The following ZDHHC20 variants were observed in gnomAD, a reference collection of about 807,000 sequenced individuals.
The protein encoded by ZDHHC20 is palmitoyltransferase ZDHHC20.
ZDHHC20 carries 43 observed loss-of-function variants against 57.8 expected under a neutral mutation model. The observed-to-expected ratio is 0.74, with a 90% CI of 0.58 to 0.96. ZDHHC20 has a LOEUF of 0.96. Ranked by LOEUF, ZDHHC20 falls within the 40% of genes least tolerant of loss-of-function variation. The pLI is 0.00. For missense variants in ZDHHC20, 391 were observed against 441.1 expected, an observed-to-expected ratio of 0.89 and a Z score of 1.02; for synonymous variants, 157 against 153.0, an observed-to-expected ratio of 1.03 and a Z score of -0.19.
intron 11 of ZDHHC20, among the ~76,000 whole-genome samples, chr13:21,379,396 C>T (rs568965992): frequency 2.0e-5 from 3 of 152,186 alleles, no homozygotes; most frequent in Non-Finnish European, 2.9e-5. Flanking sequence ...ATCCTCTCAC[C>T]TCAGCCTCCT....
chr13:21,374,825 C>A lies in ZDHHC20; in HGVS notation c.*1871G>T, dbSNP rs1484490619. 1.4e-5 allele frequency: 4 copies of A among 295,202 alleles called. No individual in the cohort carries two copies. Among genetic ancestry groups the A allele is most frequent in the South Asian group, 3.1e-5 (1 of 32,420 alleles). 18.3% of individuals were successfully genotyped at this position (295,202 alleles called of 1,614,324 possible). A position where few individuals can be genotyped will look rare whatever the true frequency, so the allele number is the denominator to read the frequency against. Reference sequence around the variant, plus strand: ...TATTCCTAGTTTATTATTTAGCATACAGAAGGTACTCCAAAAAATTTACCG... The same window carrying A: ...TATTCCTAGTTTATTATTTAGCATAAAGAAGGTACTCCAAAAAATTTACCG... On this transcript the variant is annotated 3_prime_UTR_variant, in exon 13 of 13. Coordinates refer to ENST00000400590, the MANE Select transcript of ZDHHC20 (RefSeq NM_001330059.2).
rs778885770 is a variant in ZDHHC20, at chr13:21,391,725, T to C, written c.724A>G (p.Ile242Val). The change falls in exon 8 of 13, where the codon ATA (isoleucine) becomes GTA (valine). Residue 242 changes from isoleucine to valine, a missense_variant. By Grantham distance (29) the Ile-to-Val change is conservative (BLOSUM62 3). This residue lies in a region of ZDHHC20 where 197 missense variants were observed against 220.8 expected (regional missense o/e 0.89). Coordinates refer to ENST00000400590, the MANE Select transcript of ZDHHC20 (RefSeq NM_001330059.2). ...CWLVGKNRTT[I>V]ESFRAPTFSY... ...TAATTTATTTTAACCTACTTACCTA[T>C]TGTTGTTCTATTTTTTCCAACTAGC... 8 of 1,607,218 alleles carry C rather than the reference T, an allele frequency of 5.0e-6. No individual in the cohort carries two copies. Among genetic ancestry groups the C allele is most frequent in the South Asian group, 3.4e-5 (3 of 89,156 alleles).
intron 4 of ZDHHC20, among the ~76,000 whole-genome samples, chr13:21,408,396 T>C (rs942886262): frequency 1.3e-5 from 2 of 152,104 alleles, no homozygotes; most frequent in Admixed American, 6.6e-5. Context: ...GAATGGGAGG[T>C]CACTCATGAT....
At chr13:21,458,913 G>A (rs1004145318) in intron 1 of ZDHHC20, 141 bp downstream of exon 1, 18 of 552,432 alleles carry the variant, frequency 3.3e-5, no homozygotes, top group Non-Finnish European at 4.8e-5. Flanking sequence ...CAGCAACCTC[G>A]GCGCTTCCGA....
chr13:21,402,142 A>G (rs1044121077), intron 5 of ZDHHC20, among the ~76,000 whole-genome samples: 2 of 152,234 alleles, frequency 1.3e-5, no homozygotes, highest in African/African-American at 4.8e-5. Context: ...GCTGAAGGAG[A>G]TAAAATGCAA....
At chr13:21,421,355 C>T (rs1880632851) in intron 2 of ZDHHC20, among the ~76,000 whole-genome samples, 191 bp from the exon 3 acceptor site, 2 of 151,978 alleles carry the variant, frequency 1.3e-5, no homozygotes, top group Non-Finnish European at 1.5e-5. Flanking sequence ...ATATTCTGTT[C>T]CTATATTTAA....
chr13:21,400,826 T>A (rs989321557), intron 6 of ZDHHC20, among the ~76,000 whole-genome samples: 12 of 152,120 alleles, frequency 7.9e-5, no homozygotes, highest in African/African-American at 2.9e-4. Flanking sequence ...TTCTCCTGCC[T>A]CAGACTCCCA....
At chr13:21,376,972 G>C (rs561992837) in intron 12 of ZDHHC20, 6 of 180,712 alleles carry the variant, frequency 3.3e-5, no homozygotes, top group African/African-American at 1.4e-4. Flanking sequence ...GCAAGATGTA[G>C]AAAACTTCCC....
intron 7 of ZDHHC20, 121 bp from the exon 8 acceptor site, chr13:21,391,975 C>T: frequency 1.8e-6 from 2 of 1,129,642 alleles, no homozygotes; most frequent in Non-Finnish European, 2.5e-6. Flanking sequence ...TAATAAATTA[C>T]TTAATATATC....
chr13:21,402,991 C>A (rs1877921994), intron 4 of ZDHHC20, 125 bp from the exon 5 acceptor site: 1 of 658,044 alleles, frequency 1.5e-6, no homozygotes, highest in Admixed American at 2.6e-5. Context: ...TAAAACAATA[C>A]CAACAATACC....
rs754384830 is a variant in ZDHHC20 at position 21,383,027 on chromosome 13, G to A, written c.855-18C>T. 6.5e-7 allele frequency: 1 copy of A among 1,545,854 alleles called. No individual in the cohort carries two copies. Among genetic ancestry groups the A allele is most frequent in the South Asian group, 1.2e-5 (1 of 83,862 alleles). The stretch of plus-strand genomic sequence containing the variant: ...CACCCAAGCTGCATAATGAAAAAGA[G>A]TAATAATTTAAATAATGTTAAGTTA... On this transcript the variant is annotated intron_variant, in intron 9 of 12. Coordinates refer to ENST00000400590, the MANE Select transcript of ZDHHC20 (RefSeq NM_001330059.2).
rs1277545491 is a variant in ZDHHC20 at position 21,372,574 on chromosome 13, A to C, written c.*4122T>G. The C allele has an allele frequency of 6.6e-6, 1 of 152,218 alleles. No homozygotes were observed. Among genetic ancestry groups the C allele is most frequent in the Non-Finnish European group, 1.5e-5 (1 of 68,020 alleles). 9.4% of individuals were successfully genotyped at this position (152,218 alleles called of 1,614,324 possible). A position where few individuals can be genotyped will look rare whatever the true frequency, so the allele number is the denominator to read the frequency against. On this transcript the variant is annotated 3_prime_UTR_variant, in exon 13 of 13. Coordinates refer to ENST00000400590, the MANE Select transcript of ZDHHC20 (RefSeq NM_001330059.2). ...CACTTTATAACAAAGAAAACACTTC[A>C]AATACAAGACTTTGTTTATTAATAA...
At chr13:21,378,614 T>C (rs1872664780) in intron 12 of ZDHHC20, 47 bp downstream of exon 12, 2 of 1,094,520 alleles carry the variant, frequency 1.8e-6, no homozygotes, top group East Asian at 2.9e-5. Flanking sequence ...TTATGAAATA[T>C]GCAAATAAGC....
chr13:21,382,830 T>C, intron 10 of ZDHHC20, 90 bp downstream of exon 10: 1 of 1,059,582 alleles, frequency 9.4e-7, no homozygotes, highest in South Asian at 1.5e-5. Flanking sequence ...ACTAAATCAC[T>C]ACTGTATTTA....
chr13:21,419,365 T>C (rs1880382255), intron 3 of ZDHHC20, among the ~76,000 whole-genome samples: 1 of 152,206 alleles, frequency 6.6e-6, no homozygotes. Flanking sequence ...TAGGCATCTA[T>C]CCAAAAGAAC....
At position 21,391,745 on chromosome 13, in the gene ZDHHC20, A is replaced by G. The variant is rs1411784635; in HGVS notation, c.704T>C (p.Val235Ala). 6.2e-6 allele frequency: 10 copies of G among 1,609,526 alleles called. No homozygotes were observed. The highest frequency in any genetic ancestry group is 3.9e-4 in the Middle Eastern group (2 of 5,134). Residue 235 changes from valine to alanine, a missense_variant, in exon 8 of 13, where the codon GTT (valine) becomes GCT (alanine). Val to Ala is a moderately conservative substitution (Grantham distance 64). Around this residue, in one of 3 missense-constraint regions of ZDHHC20, gnomAD observed 197 missense variants for 220.8 expected, o/e 0.89. Transcript: ENST00000400590. ...LSLFSYHCWLVGKNRTTIESF... is the reference protein window; with the variant it reads ...LSLFSYHCWLAGKNRTTIESF... Reference sequence around the variant, plus strand: ...ACCTATTGTTGTTCTATTTTTTCCAACTAGCCAGCAGTGGTAGCTGAAAAG... The same window carrying G: ...ACCTATTGTTGTTCTATTTTTTCCAGCTAGCCAGCAGTGGTAGCTGAAAAG...
At chr13:21,444,524 A>C (rs1460899739) in intron 1 of ZDHHC20, among the ~76,000 whole-genome samples, 1 of 152,234 alleles carries the variant, frequency 6.6e-6, no homozygotes, top group Non-Finnish European at 1.5e-5. Context: ...GTACTTTCAA[A>C]AAATACATTA....
chr13:21,451,349 A>G (rs955809331), intron 1 of ZDHHC20, among the ~76,000 whole-genome samples: 1 of 152,164 alleles, frequency 6.6e-6, no homozygotes, highest in Non-Finnish European at 1.5e-5. Context: ...CAAGAGTATG[A>G]TTCAATTCAA....
At chr13:21,377,695 C>T in intron 12 of ZDHHC20, 1 of 194,594 alleles carries the variant, frequency 5.1e-6, no homozygotes, top group East Asian at 1.8e-4. Context: ...TGATCTGACT[C>T]CGTCCTGGGT....
Sources: allele counts gnomAD v4.1 joint callset (sites outside exome capture counted in the v4.1 genomes callset), GRCh38; gene constraint gnomAD v4.1.1; regional missense constraint gnomAD v4.1.1; transcripts MANE v1.5; gene names NCBI Gene and HGNC (gene_info 2026-07-23, HGNC 2026-07-21).